CRTAP: variants seen among roughly 807,000 people sequenced by gnomAD.
CRTAP encodes the protein cartilage-associated protein.
CRTAP carries 33 observed loss-of-function variants against 42.7 expected under a neutral mutation model. The observed-to-expected ratio is 0.77, with a 90% CI of 0.59 to 1.03. CRTAP has a LOEUF of 1.03. Among genes scored for constraint, CRTAP ranks in the 50% least tolerant of loss-of-function variants. CRTAP has a pLI of 0.00. For missense variants in CRTAP, 613 were observed against 533.9 expected, an observed-to-expected ratio of 1.15 and a Z score of -1.46; for synonymous variants, 243 against 217.7, an observed-to-expected ratio of 1.12 and a Z score of -1.02.
rs150400000 is a variant in CRTAP at position 33,134,761 on chromosome 3, T to A, written c.1152+496T>A. 9.2e-5 allele frequency among the ~76,000 whole-genome samples: 14 copies of A among 152,306 alleles called. No individual in the cohort carries two copies. The East Asian group carries it at 1.9e-3, about 21-fold the overall frequency. ...CCTGACTCAACTGGTTATGGAGTGG[T>A]CATTTTGTGATGAGTCTGGTCACAG... On this transcript the variant is annotated intron_variant, in intron 6 of 6. Coordinates refer to ENST00000320954, the MANE Select transcript of CRTAP (RefSeq NM_006371.5).
intron 6 of CRTAP, among the ~76,000 whole-genome samples, chr3:33,137,846 T>C (rs1405174976): frequency 6.6e-6 from 1 of 152,228 alleles, no homozygotes; most frequent in Non-Finnish European, 1.5e-5. Flanking sequence ...TGCATTTAAA[T>C]TTACAACCCA....
intron 3 of CRTAP, among the ~76,000 whole-genome samples, chr3:33,129,585 T>C (rs1317559745): frequency 6.8e-6 from 1 of 146,104 alleles, no homozygotes; most frequent in African/African-American, 2.5e-5. Flanking sequence ...TTGCCCAGGC[T>C]GGAGTGCAGT....
Position 33,132,564 on chromosome 3 carries a change from T to C in CRTAP, c.932T>C (p.Leu311Pro), listed in dbSNP as rs1025718805. The C allele has an allele frequency of 4.3e-6, 7 of 1,614,078 alleles. No individual in the cohort carries two copies. The highest frequency in any genetic ancestry group is 5.9e-6 in the Non-Finnish European group (7 of 1,179,908). The change falls in exon 5 of 7, where the codon CTG becomes CCG. Residue 311 changes from leucine (L) to proline (P), a missense_variant. Leu to Pro is a moderately conservative substitution (Grantham distance 98, BLOSUM62 -3). Coordinates refer to ENST00000320954, the MANE Select transcript of CRTAP (RefSeq NM_006371.5). ...LQFAYYKLNDLKNAAPCAVSY... is the reference protein window; with the variant it reads ...LQFAYYKLNDPKNAAPCAVSY... ...TTCTTCCCAACCCTAGTGAACGACC[T>C]GAAGAATGCAGCCCCCTGTGCAGTC... is the stretch of plus-strand genomic sequence containing the variant.
chr3:33,124,302 G>A (rs2125600329), intron 2 of CRTAP, 106 bp from the exon 3 acceptor site: 1 of 1,323,318 alleles, frequency 7.6e-7, no homozygotes, highest in Non-Finnish European at 1.1e-6. Context: ...CTTCTTCAGA[G>A]CTAATGAGAG....
Position 33,142,465 on chromosome 3 carries a change from A to C in CRTAP, c.*17A>C, listed in dbSNP as rs1168916896. 3 of 1,613,194 alleles carry C rather than the reference A, an allele frequency of 1.9e-6. No homozygotes were observed. The highest frequency in any genetic ancestry group is 3.3e-5 in the Admixed American group (2 of 60,008). ...ACCAGCTAGCCCACAGCAACCAAAGAGACTTCCTCTTGGCGTTCAGGAAAC... is the reference window on the plus strand; with the variant it reads ...ACCAGCTAGCCCACAGCAACCAAAGCGACTTCCTCTTGGCGTTCAGGAAAC... On this transcript the variant is annotated 3_prime_UTR_variant, in exon 7 of 7. Transcript: ENST00000320954.
intron 6 of CRTAP, among the ~76,000 whole-genome samples, chr3:33,134,769 T>C (rs1193981265): frequency 1.3e-5 from 2 of 152,216 alleles, no homozygotes; most frequent in African/African-American, 4.8e-5. Context: ...GGTCATTTTG[T>C]GATGAGTCTG....
rs1701319096 is a variant in CRTAP at position 33,114,461 on chromosome 3, C to T, written c.384C>T (p.Ala128=). The change falls in exon 1 of 7, where the codon GCC becomes GCT. Residue 128 remains alanine (A), a synonymous_variant. Coordinates refer to ENST00000320954, the MANE Select transcript of CRTAP (RefSeq NM_006371.5). ...AGCGCTGCAAGCAGGGCCTGCCAGC[C>T]TTCCGCCAGTCCCAGCCCAGCCGCG... is the stretch of plus-strand genomic sequence containing the variant. The part of the protein sequence containing the change: ...CLKRCKQGLP[A]FRQSQPSREV... 3 of 1,589,912 alleles carry T rather than the reference C, an allele frequency of 1.9e-6. No homozygotes were observed. The highest frequency in any genetic ancestry group is 2.6e-6 in the Non-Finnish European group (3 of 1,170,326).
Position 33,114,126 on chromosome 3 carries a change from G to A in CRTAP, c.49G>A (p.Val17Met), listed in dbSNP as rs200576259. Residue 17 changes from valine (V) to methionine (M), a missense_variant, in exon 1 of 7, where the codon GTG becomes ATG. Physicochemically the swap from Val to Met is conservative, Grantham distance 21. Transcript: ENST00000320954. ...GAAALLALLC[V>M]ACALRAGRAQ... is the part of the protein sequence containing the mutation. ...CGCGGCGCTGCTAGCGCTGCTGTGC[G>A]TGGCCTGCGCGCTGCGCGCCGGGCG... is the stretch of plus-strand genomic sequence containing the variant. 1.7e-4 allele frequency: 261 copies of A among 1,558,284 alleles called. No homozygotes were observed. Among genetic ancestry groups the A allele is most frequent in the Middle Eastern group, 3.6e-4 (2 of 5,514 alleles).
chr3:33,127,746 C>T (rs540594562), intron 3 of CRTAP, among the ~76,000 whole-genome samples: 2 of 150,244 alleles, frequency 1.3e-5, no homozygotes, highest in Admixed American at 1.3e-4. Context: ...CCGCACCCGG[C>T]CTATTATATT....
At chr3:33,140,657 A>T (rs542429123) in intron 6 of CRTAP, among the ~76,000 whole-genome samples, 62 of 151,258 alleles carry the variant, frequency 4.1e-4, no homozygotes, top group African/African-American at 1.5e-3. Flanking sequence ...GCAGAGGTTT[A>T]TTACAGTTTC....
Position 33,120,388 on chromosome 3 carries a change from A to C in CRTAP, c.516A>C (p.Leu172=), listed in dbSNP as rs372425538. ...CCATCGCCGCTGCTCACACCTTTCTACTGAAGCATCCTGATGACGAAATGA... is the reference window on the plus strand; with the variant it reads ...CCATCGCCGCTGCTCACACCTTTCTCCTGAAGCATCCTGATGACGAAATGA... ...PKAIAAAHTF[L]LKHPDDEMMK... Residue 172 remains leucine, a synonymous_variant, in exon 2 of 7, where the codon CTA becomes CTC. Coordinates refer to ENST00000320954, the MANE Select transcript of CRTAP (RefSeq NM_006371.5). The C allele has an allele frequency of 6.2e-7, 1 of 1,614,142 alleles. No homozygotes were observed. Among genetic ancestry groups the C allele is most frequent in the South Asian group, 1.1e-5 (1 of 91,084 alleles).
At chr3:33,133,861 A>AT (rs927156684) in intron 5 of CRTAP, among the ~76,000 whole-genome samples, 3 of 152,148 alleles carry the variant, frequency 2.0e-5, no homozygotes, top group Middle Eastern at 3.4e-3. Context: ...CTTTCAAAAG[A>AT]TTTTTTCTAA....
chr3:33,132,680 G>T lies in CRTAP; in HGVS notation c.1048G>T (p.Glu350Ter). 1 of 1,614,052 alleles carries T rather than the reference G, an allele frequency of 6.2e-7. No homozygotes were observed. The highest frequency in any genetic ancestry group is 8.5e-7 in the Non-Finnish European group (1 of 1,179,982). Reference protein sequence around the residue: ...YHRDTWGLSDEHFQPRPEAVQ... With the variant: ...YHRDTWGLSD ...CAGGGACACTTGGGGCCTCTCGGATGAGCACTTCCAGCCCAGACCTGTAAG... is the reference window on the plus strand; with the variant it reads ...CAGGGACACTTGGGGCCTCTCGGATTAGCACTTCCAGCCCAGACCTGTAAG... The change falls in exon 5 of 7, where the codon GAG (glutamate) becomes TAG (stop). Residue 350 changes from glutamate (E) to a stop codon, truncating the protein, a stop_gained. Transcript: ENST00000320954. LOFTEE classifies it high-confidence loss of function.
chr3:33,136,630 G>A lies in CRTAP; in HGVS notation c.1152+2365G>A, dbSNP rs371389850. On this transcript the variant is annotated intron_variant, in intron 6 of 6. Transcript: ENST00000320954. ...TGGTGGCACAGGAAGTGTGGCAATG[G>A]CATCTGCTTGGCTTCTGGTGAGGTC... Among the ~76,000 whole-genome samples the A allele has an allele frequency of 1.5e-4, 23 of 152,220 alleles. No individual in the cohort carries two copies. The East Asian group carries it at 2.7e-3, about 18-fold the overall frequency.
chr3:33,129,003 T>C (rs1450079773), intron 3 of CRTAP, among the ~76,000 whole-genome samples: 1 of 152,268 alleles, frequency 6.6e-6, no homozygotes, highest in African/African-American at 2.4e-5. Context: ...CCTTACTCTC[T>C]TTCAAAGGCT....
intron 6 of CRTAP, among the ~76,000 whole-genome samples, chr3:33,135,355 G>T (rs2125605034): frequency 6.6e-6 from 1 of 152,320 alleles, no homozygotes; most frequent in Non-Finnish European, 1.5e-5. Flanking sequence ...GAGGCTGGGT[G>T]TAGTGGCTCA....
rs757995779 is a variant in CRTAP, at chr3:33,120,348, A to G, written c.476A>G (p.Asn159Ser). ...TTATGTTCTTTGTCCTTTTAGGCAA[A>G]TAATCTCCCCAAAGCCATCGCCGCT... is the stretch of plus-strand genomic sequence containing the variant. ...KFLQFAYFKA[N>S]NLPKAIAAAH... The change falls in exon 2 of 7, where the codon AAT becomes AGT. Residue 159 changes from asparagine to serine, a missense_variant. Physicochemically the swap from Asn to Ser is conservative, Grantham distance 46. Transcript: ENST00000320954. 1.2e-6 allele frequency: 2 copies of G among 1,614,094 alleles called. No homozygotes were observed. Among genetic ancestry groups the G allele is most frequent in the Non-Finnish European group, 8.5e-7 (1 of 1,179,918 alleles).
In CRTAP at chr3:33,114,186, C is replaced by A; in HGVS notation, c.109C>A (p.Pro37Thr). 6.3e-7 allele frequency: 1 copy of A among 1,593,120 alleles called. No individual in the cohort carries two copies. Among genetic ancestry groups the A allele is most frequent in the Non-Finnish European group, 8.5e-7 (1 of 1,176,360 alleles). Reference sequence around the variant, plus strand: ...CGAACGCTACAGCTTCCGCAGCTTCCCACGGGACGAGCTGATGCCGCTCGA... The same window carrying A: ...CGAACGCTACAGCTTCCGCAGCTTCACACGGGACGAGCTGATGCCGCTCGA... ...QYERYSFRSF[P>T]RDELMPLESA... Residue 37 changes from proline to threonine, a missense_variant, in exon 1 of 7, where the codon CCA (proline) becomes ACA (threonine). Transcript: ENST00000320954.
At chr3:33,139,831 T>G (rs937581525) in intron 6 of CRTAP, among the ~76,000 whole-genome samples, 8 of 152,238 alleles carry the variant, frequency 5.3e-5, no homozygotes, top group Non-Finnish European at 1.0e-4. Flanking sequence ...TTTTTCTGCA[T>G]CTATTGAGAT....
Sources: allele counts gnomAD v4.1 joint callset (sites outside exome capture counted in the v4.1 genomes callset), GRCh38; gene constraint gnomAD v4.1.1; transcripts MANE v1.5; gene names NCBI Gene and HGNC (gene_info 2026-07-23, HGNC 2026-07-21).